The following OPRM1 variants were observed in gnomAD, a reference collection of about 807,000 sequenced individuals.
OPRM1 encodes mu-type opioid receptor.
Under a neutral mutation model 31.8 loss-of-function variants are expected in OPRM1, and 27 were observed. The ratio of observed to expected loss-of-function variants is 0.85; its 90% confidence interval spans 0.63 to 1.17. OPRM1 has a LOEUF of 1.17. OPRM1 is among the 50% of genes most tolerant of loss of function. The pLI is 0.00. For synonymous variants in OPRM1, 196 were observed against 189.9 expected (o/e 1.03, Z -0.26); for missense variants, 536 against 511.1 (o/e 1.05, Z -0.47).
At chr6:154,179,043 C>T (rs1389235968) in intron 3 of OPRM1, among the ~76,000 whole-genome samples, 6 of 152,180 alleles carry the variant, frequency 3.9e-5, no homozygotes, top group South Asian at 2.1e-4. Context: ...CCCAGGTCCA[C>T]GACCCAGTCA....
chr6:154,155,816 T>A (rs1443593085), intron 3 of OPRM1: 2 of 152,196 alleles, frequency 1.3e-5, no homozygotes, highest in Admixed American at 6.5e-5. Flanking sequence ...TACTAAGAGA[T>A]AATGTACCTA....
intron 3 of OPRM1, chr6:154,108,744 G>T (rs1040441990): frequency 3.0e-5 from 29 of 981,954 alleles, no homozygotes; most frequent in Non-Finnish European, 3.4e-5. Context: ...ACCATCCTAA[G>T]TAGGGCCTCT....
intron 3 of OPRM1, chr6:154,221,247 C>T (rs773719763): frequency 6.2e-7 from 1 of 1,611,336 alleles, no homozygotes; most frequent in African/African-American, 1.3e-5. Flanking sequence ...TACCAGTTTC[C>T]TCTACTTACA....
At chr6:154,223,059 G>A in intron 3 of OPRM1, 2 of 841,082 alleles carry the variant, frequency 2.4e-6, no homozygotes, top group African/African-American at 1.7e-5. Flanking sequence ...CAAATTCTCA[G>A]ACATTCCGAT....
chr6:154,085,645 A>G (rs1389170458), intron 1 of OPRM1, among the ~76,000 whole-genome samples: 11 of 152,196 alleles, frequency 7.2e-5, no homozygotes, highest in African/African-American at 2.4e-4. Flanking sequence ...ACAGCACAGT[A>G]CAAAGCAGTA....
chr6:154,154,155 G>A (rs906497192), intron 3 of OPRM1, among the ~76,000 whole-genome samples: 9 of 152,158 alleles, frequency 5.9e-5, no homozygotes, highest in African/African-American at 2.2e-4. Context: ...CAGCAGTCAA[G>A]GAGCATGAAT....
chr6:154,222,804 G>C (rs148868480), intron 3 of OPRM1, among the ~76,000 whole-genome samples: 4 of 152,170 alleles, frequency 2.6e-5, no homozygotes, highest in African/African-American at 9.7e-5. Context: ...TCTTGCTGGC[G>C]TATCTGCAAC....
intron 1 of OPRM1, among the ~76,000 whole-genome samples, chr6:154,079,661 A>T (rs1452571202): frequency 6.6e-6 from 1 of 152,248 alleles, no homozygotes; most frequent in African/African-American, 2.4e-5. Flanking sequence ...GACAAATACC[A>T]CAAATATCAC....
At chr6:154,039,132 C>A, upstream of OPRM1, 1 of 1,545,362 alleles carries the variant, frequency 6.5e-7, no homozygotes, top group Non-Finnish European at 8.7e-7. Flanking sequence ...TCTCTCTCCC[C>A]AACCCTTCTC....
At chr6:154,235,531 C>CA (rs34877577) in intron 3 of OPRM1, among the ~76,000 whole-genome samples, 56,805 of 97,616 alleles carry the variant, frequency 0.58, 15,259 homozygotes, top group Admixed American at 0.65. Context: ...AACTCTGTCA[C>CA]AAAAAAAAAA....
rs1028792078 is a variant in OPRM1 at position 154,124,998 on chromosome 6, A to C, written c.*6277A>C. 2.6e-5 allele frequency among the ~76,000 whole-genome samples: 4 copies of C among 152,194 alleles called. No individual in the cohort carries two copies. Among genetic ancestry groups the C allele is most frequent in the African/African-American group, 9.7e-5 (4 of 41,432 alleles). ...CTCAGACCAGGTACAGGACCTACCA[A>C]AGGCCACAGCCAAGCACAAGCAGCT... is the stretch of plus-strand genomic sequence containing the variant. On this transcript the variant is annotated 3_prime_UTR_variant, in exon 4 of 4. Coordinates refer to ENST00000330432, the MANE Select transcript of OPRM1 (RefSeq NM_000914.5).
chr6:154,019,746 TC>T (rs1257895582), intron 1 of OPRM1, among the ~76,000 whole-genome samples: 1 of 143,516 alleles, frequency 7.0e-6, no homozygotes, highest in Non-Finnish European at 1.5e-5. Flanking sequence ...TCTTTTCTTT[TC>T]TTTTTTTTTT....
chr6:154,053,560 G>A (rs559326869), intron 1 of OPRM1, among the ~76,000 whole-genome samples: 1 of 152,190 alleles, frequency 6.6e-6, no homozygotes, highest in Non-Finnish European at 1.5e-5. Context: ...GAGTGCTAGG[G>A]TAGGCCAAGG....
chr6:154,110,362 AT>A, intron 3 of OPRM1: 1 of 1,448,350 alleles, frequency 6.9e-7, no homozygotes, highest in Non-Finnish European at 9.5e-7. Flanking sequence ...CAGAAAATAG[AT>A]TTATTTCAAA....
At position 154,241,583 on chromosome 6, in the gene OPRM1, A is replaced by T. The variant is rs530539567; in HGVS notation, c.1165-5110A>T. Among the ~76,000 whole-genome samples, 54 of 152,202 alleles carry T rather than the reference A, an allele frequency of 3.5e-4. No homozygotes were observed. The South Asian group carries it at 8.9e-3, about 25-fold the overall frequency. On this transcript the variant is annotated intron_variant, in intron 3 of 3. Coordinates refer to the OPRM1 transcript ENST00000337049. ...TAGCCTCAAATTTTTTGTGTCTTAT[A>T]TCCAAGCGTTCTTCATACCTCACCC...
chr6:154,068,609 A>T (rs1320909933), intron 1 of OPRM1, among the ~76,000 whole-genome samples: 1 of 152,140 alleles, frequency 6.6e-6, no homozygotes, highest in Admixed American at 6.5e-5. Context: ...TCATATATTA[A>T]TGGACACTGA....
intron 3 of OPRM1, among the ~76,000 whole-genome samples, chr6:154,201,183 CT>C (rs1777041068): frequency 6.6e-6 from 1 of 152,158 alleles, no homozygotes; most frequent in Non-Finnish European, 1.5e-5. Context: ...AATCTCTTTT[CT>C]TTATAAATTA....
At chr6:154,240,569 G>A (rs1347636900) in intron 3 of OPRM1, among the ~76,000 whole-genome samples, 4 of 151,586 alleles carry the variant, frequency 2.6e-5, no homozygotes, top group African/African-American at 9.7e-5. Context: ...CAGAATAGCT[G>A]TCTCATGAAA....
At chr6:154,101,177 A>G (rs1794778368) in intron 3 of OPRM1, among the ~76,000 whole-genome samples, 1 of 152,106 alleles carries the variant, frequency 6.6e-6, no homozygotes, top group South Asian at 2.1e-4. Context: ...ATGAGATATG[A>G]CTACTGTACA....
Sources: gnomAD v4.1 joint callset for allele counts (sites outside exome capture counted in the v4.1 genomes callset) on GRCh38, gnomAD v4.1.1 for gene constraint, MANE v1.5 for transcripts, NCBI Gene and HGNC (gene_info 2026-07-23, HGNC 2026-07-21) for gene names.